IKBKB: variants seen among roughly 807,000 people sequenced by gnomAD.
The protein encoded by IKBKB is inhibitor of nuclear factor kappa-B kinase subunit beta.
In IKBKB, 42 loss-of-function variants were observed where a neutral mutation model predicts 113.6. That is an observed-to-expected ratio of 0.37 (90% CI 0.29 to 0.48). The LOEUF is 0.48. IKBKB is among the 20% of genes least tolerant of loss of function. The pLI is 0.99. For synonymous variants in IKBKB, 296 were observed against 361.3 expected, an observed-to-expected ratio of 0.82 and a Z score of 2.05; for missense variants, 673 against 939.7, an observed-to-expected ratio of 0.72 and a Z score of 3.71.
intron 2 of IKBKB, among the ~76,000 whole-genome samples, chr8:42,276,589 A>T (rs548161669): frequency 1.3e-5 from 2 of 152,228 alleles, no homozygotes; most frequent in African/African-American, 4.8e-5. Flanking sequence ...GCTGTGCAGA[A>T]GCTTTTTAGT....
chr8:42,290,340 G>A (rs1232374393), intron 4 of IKBKB, 67 bp downstream of exon 4: 2 of 1,041,864 alleles, frequency 1.9e-6, no homozygotes, highest in Admixed American at 1.8e-5. Flanking sequence ...AAGAGGGATG[G>A]GGAGACCTTT....
chr8:42,320,398 T>C, intron 15 of IKBKB: 1 of 231,748 alleles, frequency 4.3e-6, no homozygotes, highest in Non-Finnish European at 8.6e-6. Flanking sequence ...GAGAAAGTAA[T>C]GTGTCTTGGG....
chr8:42,331,200 G>T lies in IKBKB; in HGVS notation c.*221G>T. 1.3e-6 allele frequency: 1 copy of T among 772,500 alleles called. No individual in the cohort carries two copies. The highest frequency in any genetic ancestry group is 1.5e-5 in the South Asian group (1 of 68,820). 47.9% of individuals were successfully genotyped at this position (772,500 alleles called of 1,614,324 possible). On this transcript the variant is annotated 3_prime_UTR_variant, in exon 22 of 22. Transcript: ENST00000520810. ...CTCAGCAGCTGTGACTTTCACCCAGGACCCAGGACGCAGCCCTCCGTGGGC... is the reference window on the plus strand; with the variant it reads ...CTCAGCAGCTGTGACTTTCACCCAGTACCCAGGACGCAGCCCTCCGTGGGC...
intron 8 of IKBKB, among the ~76,000 whole-genome samples, chr8:42,311,563 CAAAAAAAAA>C (rs56282608): frequency 8.8e-6 from 1 of 114,074 alleles, no homozygotes; most frequent in Non-Finnish European, 1.6e-5. Flanking sequence ...TCCATCTTAC[CAAAAAAAAA>C]AAAAAAGAAA....
intron 21 of IKBKB, chr8:42,329,625 G>A (rs189324960): frequency 2.5e-4 from 243 of 984,494 alleles, no homozygotes; most frequent in African/African-American, 3.1e-4. Flanking sequence ...ACTTAATTCC[G>A]ATGATGAGGA....
intron 2 of IKBKB, among the ~76,000 whole-genome samples, chr8:42,280,702 G>A (rs944039765): frequency 6.6e-6 from 1 of 152,202 alleles, no homozygotes. Flanking sequence ...GTGTACACTT[G>A]GCTGTGAGGA....
chr8:42,330,131 A>G, intron 21 of IKBKB: 1 of 985,398 alleles, frequency 1.0e-6, no homozygotes, highest in Non-Finnish European at 1.2e-6. Flanking sequence ...GGAAATCCAT[A>G]ACTGAGATTA....
At chr8:42,309,541 G>A (rs953346458) in intron 8 of IKBKB, 1 of 366,694 alleles carries the variant, frequency 2.7e-6, no homozygotes, top group Non-Finnish European at 5.4e-6. Context: ...GATCAGTTGA[G>A]GCCAGCAGTT....
chr8:42,301,548 C>T (rs1353857106), intron 5 of IKBKB, among the ~76,000 whole-genome samples: 1 of 152,210 alleles, frequency 6.6e-6, no homozygotes, highest in African/African-American at 2.4e-5. Context: ...AGAATTTTTA[C>T]ATTTCAGTCC....
In IKBKB at chr8:42,322,486, A is replaced by G. The variant is rs1400408842; in HGVS notation, c.1978A>G (p.Ile660Val). 1 of 1,613,836 alleles carries G rather than the reference A, an allele frequency of 6.2e-7. No homozygotes were observed. Among genetic ancestry groups the G allele is most frequent in the Non-Finnish European group, 8.5e-7 (1 of 1,179,984 alleles). ...GAAGGAGCTCTGGAATCTCCTGAAG[A>G]TTGCTTGTGTGAGTGAGTGCTGTGG... ...RQKELWNLLK[I>V]ACSKVRGPVS... Residue 660 changes from isoleucine to valine, a missense_variant, in exon 19 of 22, where the codon ATT becomes GTT. Physicochemically the swap from Ile to Val is conservative, Grantham distance 29. This residue lies in a region of IKBKB where 506 missense variants were observed against 638.7 expected (regional missense o/e 0.79). Transcript: ENST00000520810.
At chr8:42,314,209 C>T in intron 8 of IKBKB, 113 bp from the exon 9 acceptor site, 2 of 791,428 alleles carry the variant, frequency 2.5e-6, no homozygotes, top group South Asian at 2.9e-5. Flanking sequence ...GCTAAACCAT[C>T]TAGGTTTGTG....
At position 42,271,390 on chromosome 8, in the gene IKBKB, A is replaced by T. The variant is rs1306078158; in HGVS notation, c.-98A>T. 1 of 1,514,964 alleles carries T rather than the reference A, an allele frequency of 6.6e-7. No homozygotes were observed. The highest frequency in any genetic ancestry group is 8.9e-7 in the Non-Finnish European group (1 of 1,129,238). The allele number at this position is 1,514,964 out of a possible 1,614,324, so 93.8% of individuals were successfully genotyped here. On this transcript the variant is annotated 5_prime_UTR_variant, in exon 1 of 22. Transcript: ENST00000520810. The stretch of plus-strand genomic sequence containing the variant: ...ATTTTAATGTTTTCAGGGGGGTGTC[A>T]TAGCCCCGGGTTTGGCCGCCCCAGC...
chr8:42,274,781 G>A lies in IKBKB; in HGVS notation c.105+2576G>A, dbSNP rs1279002933. ...CTCCTGAACTTAGGTGATCCCCGCC[G>A]GCGCGCCCCCCCCCCCCCCCGCCAT... On this transcript the variant is annotated intron_variant, in intron 2 of 21. Coordinates refer to ENST00000520810, the MANE Select transcript of IKBKB (RefSeq NM_001556.3). Among the ~76,000 whole-genome samples, 3 of 35,726 alleles carry A rather than the reference G, an allele frequency of 8.4e-5. 1 individual carries two copies. The highest frequency in any genetic ancestry group is 1.6e-3 in the East Asian group (2 of 1,246). 23.4% of individuals were successfully genotyped at this position (35,726 alleles called of 152,430 possible). A position where few individuals can be genotyped will look rare whatever the true frequency, so the allele number is the denominator to read the frequency against.
chr8:42,331,473 C>T lies in IKBKB; in HGVS notation c.*494C>T, dbSNP rs1177056095. ...GCTCTCCAAAGGCCCTGCTCCCTGTCCTCTCTCACTTTACAGCTTGTGTTT... is the reference window on the plus strand; with the variant it reads ...GCTCTCCAAAGGCCCTGCTCCCTGTTCTCTCTCACTTTACAGCTTGTGTTT... On this transcript the variant is annotated 3_prime_UTR_variant, in exon 22 of 22. Coordinates refer to ENST00000520810, the MANE Select transcript of IKBKB (RefSeq NM_001556.3). 1.4e-6 allele frequency: 1 copy of T among 695,158 alleles called. No individual in the cohort carries two copies. The highest frequency in any genetic ancestry group is 1.5e-5 in the South Asian group (1 of 66,760). 43.1% of individuals were successfully genotyped at this position (695,158 alleles called of 1,614,324 possible). A position where few individuals can be genotyped will look rare whatever the true frequency, so the allele number is the denominator to read the frequency against.
In IKBKB at chr8:42,290,287, G is replaced by A. The variant is rs778889553; in HGVS notation, c.318+14G>A. ...GATCTCCGGAAGGTGAGGCTCCCACGGCTGCCAGGTGCACAGCCTGTCTGG... is the reference window on the plus strand; with the variant it reads ...GATCTCCGGAAGGTGAGGCTCCCACAGCTGCCAGGTGCACAGCCTGTCTGG... On this transcript the variant is annotated intron_variant, in intron 4 of 21. Transcript: ENST00000520810. The A allele has an allele frequency of 1.5e-5, 23 of 1,567,590 alleles. No individual in the cohort carries two copies. The African/African-American group carries it at 1.8e-4, about 12-fold the overall frequency.
At position 42,314,462 on chromosome 8, in the gene IKBKB, C is replaced by A. The variant is rs746587210; in HGVS notation, c.800+33C>A. ...ACAGCGGCATTACACGAATACATATCTTTCTTGCTTTTTTTAGAAATACAA... is the reference window on the plus strand; with the variant it reads ...ACAGCGGCATTACACGAATACATATATTTCTTGCTTTTTTTAGAAATACAA... On this transcript the variant is annotated intron_variant, in intron 9 of 21. Coordinates refer to ENST00000520810, the MANE Select transcript of IKBKB (RefSeq NM_001556.3). The A allele has an allele frequency of 2.4e-5, 33 of 1,354,228 alleles. No homozygotes were observed. The East Asian group carries it at 7.3e-4, about 30-fold the overall frequency. The allele number at this position is 1,354,228 out of a possible 1,614,324, so 83.9% of individuals were successfully genotyped here. A position where few individuals can be genotyped will look rare whatever the true frequency, so the allele number is the denominator to read the frequency against.
At position 42,319,385 on chromosome 8, in the gene IKBKB, C is replaced by T. The variant is rs373147900; in HGVS notation, c.1480C>T (p.Leu494=). The change falls in exon 14 of 22, where the codon CTG becomes TTG. Residue 494 remains leucine (L), a synonymous_variant. Transcript: ENST00000520810. ...CTTCAAAACCAGCATCCAGATTGAC[C>T]TGGAGAAGTACAGCGAGCAAACCGA... The part of the protein sequence containing the change: ...DFFKTSIQID[L]EKYSEQTEFG... The T allele has an allele frequency of 1.9e-6, 3 of 1,614,172 alleles. No individual in the cohort carries two copies. Among genetic ancestry groups the T allele is most frequent in the Non-Finnish European group, 1.7e-6 (2 of 1,180,020 alleles).
chr8:42,272,998 A>G (rs568906421), intron 2 of IKBKB, among the ~76,000 whole-genome samples: 29 of 151,176 alleles, frequency 1.9e-4, no homozygotes, highest in South Asian at 1.5e-3. Flanking sequence ...TAGTCCCACT[A>G]CATTGGAGGC....
chr8:42,315,777 C>T (rs577792131), intron 9 of IKBKB, among the ~76,000 whole-genome samples: 17 of 152,206 alleles, frequency 1.1e-4, no homozygotes, highest in African/African-American at 2.4e-4. Context: ...ATTCTCCCGT[C>T]TCAGCCTCCC....
Sources: gnomAD v4.1 joint callset for allele counts (sites outside exome capture counted in the v4.1 genomes callset) on GRCh38, gnomAD v4.1.1 for gene constraint, gnomAD v4.1.1 regional missense constraint, MANE v1.5 for transcripts, NCBI Gene and HGNC (gene_info 2026-07-23, HGNC 2026-07-21) for gene names.